SPATA16: variants seen among roughly 807,000 people sequenced by gnomAD.
SPATA16 encodes the protein spermatogenesis associated 16, also known as spermatogenesis-associated protein 16.
Under a neutral mutation model 63.3 loss-of-function variants are expected in SPATA16, and 36 were observed. The observed-to-expected ratio is 0.57, with a 90% CI of 0.44 to 0.75. The LOEUF (loss-of-function observed/expected upper bound fraction) is 0.75, where lower values mean the gene tolerates loss of function less well. SPATA16 is among the 30% of genes least tolerant of loss of function. The probability of loss-of-function intolerance (pLI) is 0.00; values close to 1 mark genes in which losing one functional copy is unlikely to be tolerated. For missense variants in SPATA16, 646 were observed against 679.3 expected, an observed-to-expected ratio of 0.95 and a Z score of 0.54; for synonymous variants, 203 against 216.7, an observed-to-expected ratio of 0.94 and a Z score of 0.56.
chr3:172,940,779 G>C (rs960331271), intron 6 of SPATA16, among the ~76,000 whole-genome samples: 13 of 152,048 alleles, frequency 8.5e-5, no homozygotes, highest in Non-Finnish European at 1.2e-4. Flanking sequence ...CTGAGCTCAG[G>C]ACAGACCAGC....
At chr3:172,928,700 C>T (rs1732795966) in intron 6 of SPATA16, among the ~76,000 whole-genome samples, 1 of 152,154 alleles carries the variant, frequency 6.6e-6, no homozygotes, top group Admixed American at 6.5e-5. Context: ...TATTATAAAA[C>T]ATGCTTGCAA....
intron 2 of SPATA16, among the ~76,000 whole-genome samples, chr3:173,056,046 A>G (rs571229301): frequency 1.3e-5 from 2 of 152,330 alleles, no homozygotes; most frequent in South Asian, 2.1e-4. Context: ...GTAATTTTCC[A>G]TAAGGTTTTA....
chr3:173,088,184 A>G (rs1487849581), intron 2 of SPATA16, among the ~76,000 whole-genome samples: 1 of 149,400 alleles, frequency 6.7e-6, no homozygotes, highest in Non-Finnish European at 1.5e-5. Flanking sequence ...TCCCAGGTTC[A>G]AGCAATTCTC....
chr3:173,052,410 C>G (rs1020909330), intron 2 of SPATA16, among the ~76,000 whole-genome samples: 2 of 152,124 alleles, frequency 1.3e-5, no homozygotes, highest in Non-Finnish European at 2.9e-5. Flanking sequence ...AATAGGCAGC[C>G]TGCTGGGTAG....
At chr3:173,105,141 T>A (rs1434122401) in intron 2 of SPATA16, among the ~76,000 whole-genome samples, 1 of 152,224 alleles carries the variant, frequency 6.6e-6, no homozygotes, top group Non-Finnish European at 1.5e-5. Context: ...TACTATATAA[T>A]GAGTGCAAAG....
chr3:173,064,367 C>A (rs1173828423), intron 2 of SPATA16, among the ~76,000 whole-genome samples: 1 of 145,734 alleles, frequency 6.9e-6, no homozygotes, highest in East Asian at 2.0e-4. Context: ...AACCAATAAT[C>A]CTCAAGTTCA....
intron 6 of SPATA16, among the ~76,000 whole-genome samples, chr3:172,950,060 C>T (rs925681071): frequency 1.3e-5 from 2 of 152,166 alleles, no homozygotes; most frequent in Non-Finnish European, 2.9e-5. Context: ...TATATTACTT[C>T]CACTTATTTT....
chr3:173,057,056 G>A (rs370381983), intron 2 of SPATA16, among the ~76,000 whole-genome samples: 5 of 149,990 alleles, frequency 3.3e-5, no homozygotes, highest in African/African-American at 9.8e-5. Context: ...AGTTTTCTTC[G>A]GTTACATCTC....
chr3:173,040,849 G>T (rs1175264972), intron 3 of SPATA16, among the ~76,000 whole-genome samples: 1 of 152,052 alleles, frequency 6.6e-6, no homozygotes, highest in African/African-American at 2.4e-5. Context: ...CCTGCCACAC[G>T]GTGGGTGTTC....
Position 173,117,178 on chromosome 3 carries a change from G to C in SPATA16, c.554C>G (p.Ser185Cys), listed in dbSNP as rs752566518. The change falls in exon 2 of 11, where the codon TCT becomes TGT. Residue 185 changes from serine to cysteine, a missense_variant. Transcript: ENST00000351008. ...WLQVALKDAS[S>C]CYRQKKYALA... is the part of the protein sequence containing the mutation. ...GGCGTATTTCTTTTGTCTATAGCAA[G>C]AGCTGGCATCCTTTAAGGCTACCTG... The C allele has an allele frequency of 4.3e-6, 7 of 1,614,112 alleles. No homozygotes were observed. Among genetic ancestry groups the C allele is most frequent in the Non-Finnish European group, 5.9e-6 (7 of 1,179,998 alleles).
intron 10 of SPATA16, among the ~76,000 whole-genome samples, chr3:172,910,550 AC>A (rs1332830727): frequency 6.6e-6 from 1 of 152,008 alleles, no homozygotes; most frequent in African/African-American, 2.4e-5. Flanking sequence ...AAAATAGATA[AC>A]ATACTAGATT....
At position 172,926,938 on chromosome 3, in the gene SPATA16, T is replaced by C. The variant is rs548006870; in HGVS notation, c.1082-1446A>G. Among the ~76,000 whole-genome samples the C allele has an allele frequency of 1.5e-3, 222 of 152,318 alleles. 3 individuals carry two copies. Among genetic ancestry groups the C allele is most frequent in the South Asian group, 3.9e-3 (19 of 4,826 alleles). ...GGGAAAGGCAAAATCCCAAATATCA[T>C]TGAATGATGGTTTAGTTAAAGGTAA... On this transcript the variant is annotated intron_variant, in intron 6 of 10. Transcript: ENST00000351008.
chr3:173,037,033 C>G (rs370414663), intron 3 of SPATA16, among the ~76,000 whole-genome samples: 1 of 151,638 alleles, frequency 6.6e-6, no homozygotes, highest in Non-Finnish European at 1.5e-5. Flanking sequence ...AAAAATGTAA[C>G]GACGTTAAAA....
chr3:173,070,539 T>A (rs1736648183), intron 2 of SPATA16, among the ~76,000 whole-genome samples: 1 of 152,144 alleles, frequency 6.6e-6, no homozygotes, highest in African/African-American at 2.4e-5. Context: ...CTTAGTTGCA[T>A]GTGATACAAT....
intron 1 of SPATA16, among the ~76,000 whole-genome samples, chr3:173,125,880 A>T (rs1441146687): frequency 6.6e-6 from 1 of 152,218 alleles, no homozygotes; most frequent in Non-Finnish European, 1.5e-5. Context: ...AAAATTGATG[A>T]TGGTATCTTA....
chr3:172,948,640 AT>A (rs984973462), intron 6 of SPATA16, among the ~76,000 whole-genome samples: 2 of 146,758 alleles, frequency 1.4e-5, no homozygotes, highest in Non-Finnish European at 2.9e-5. Context: ...CTAATTTTTA[AT>A]TTTTTTGTAG....
Position 172,956,844 on chromosome 3 carries a change from C to A in SPATA16, c.934-20G>T. ...CATGGCCTAAGAGGAAACAAACAACCCATTTGGCATCAATAACAATATATG... is the reference window on the plus strand; with the variant it reads ...CATGGCCTAAGAGGAAACAAACAACACATTTGGCATCAATAACAATATATG... On this transcript the variant is annotated intron_variant, in intron 5 of 10. Transcript: ENST00000351008. 1.2e-6 allele frequency: 2 copies of A among 1,612,556 alleles called. No individual in the cohort carries two copies. Among genetic ancestry groups the A allele is most frequent in the African/African-American group, 1.3e-5 (1 of 74,850 alleles).
chr3:173,010,298 T>C (rs1735037912), intron 4 of SPATA16, among the ~76,000 whole-genome samples: 1 of 152,008 alleles, frequency 6.6e-6, no homozygotes, highest in South Asian at 2.1e-4. Flanking sequence ...TGAGCTCTTT[T>C]GCATGACTCC....
chr3:173,105,942 C>A (rs1737612751), intron 2 of SPATA16, among the ~76,000 whole-genome samples: 1 of 135,040 alleles, frequency 7.4e-6, no homozygotes, highest in Non-Finnish European at 1.5e-5. Flanking sequence ...TTCCAATGTT[C>A]AATGAACTCT....
Sources: gnomAD v4.1 joint callset for allele counts (sites outside exome capture counted in the v4.1 genomes callset) on GRCh38, gnomAD v4.1.1 for gene constraint, MANE v1.5 for transcripts, NCBI Gene and HGNC (gene_info 2026-07-23, HGNC 2026-07-21) for gene names.